Variants in EYS observed in about 807,000 individuals in gnomAD.
EYS encodes EGF-like photoreceptor maintenance factor.
EYS carries 250 observed loss-of-function variants against 282.1 expected under a neutral mutation model. That is an observed-to-expected ratio of 0.89 (90% CI 0.80 to 0.98). The LOEUF is 0.98. EYS is among the 50% of genes least tolerant of loss of function. The pLI, the probability that EYS is intolerant of heterozygous loss-of-function variation, is 0.00. For missense variants in EYS, 4,016 were observed against 3,709.0 expected (o/e 1.08, Z -2.15); for synonymous variants, 1,355 against 1,282.9 (o/e 1.06, Z -1.20).
intron 41 of EYS, among the ~76,000 whole-genome samples, chr6:63,746,924 T>G (rs1356433419): frequency 6.6e-6 from 1 of 152,224 alleles, no homozygotes; most frequent in Non-Finnish European, 1.5e-5. Flanking sequence ...TCTGTGTCTC[T>G]ATCTCCTTCA....
At chr6:63,758,845 C>T (rs2151317) in intron 41 of EYS, among the ~76,000 whole-genome samples, 117,886 of 151,914 alleles carry the variant, frequency 0.78, 46,826 homozygotes, top group African/African-American at 0.94. Flanking sequence ...TTGCCCCAAA[C>T]TGGCTGGATC....
intron 26 of EYS, among the ~76,000 whole-genome samples, chr6:64,460,095 A>G (rs1397903359): frequency 3.3e-5 from 5 of 152,124 alleles, no homozygotes; most frequent in Non-Finnish European, 5.9e-5. Flanking sequence ...TTTTCTTACA[A>G]TTTCAACAGA....
chr6:65,056,146 T>C (rs913246481), intron 13 of EYS, among the ~76,000 whole-genome samples: 10 of 152,082 alleles, frequency 6.6e-5, no homozygotes, highest in Non-Finnish European at 1.3e-4. Flanking sequence ...TTCCTTTATT[T>C]TGGTGCTCAA....
At chr6:64,329,124 G>A (rs568417496) in intron 29 of EYS, among the ~76,000 whole-genome samples, 1 of 152,248 alleles carries the variant, frequency 6.6e-6, no homozygotes, top group East Asian at 1.9e-4. Flanking sequence ...GGTCTCAATG[G>A]AGGTAGGAGG....
At chr6:65,668,597 A>G (rs928369021) in intron 1 of EYS, among the ~76,000 whole-genome samples, 3 of 151,898 alleles carry the variant, frequency 2.0e-5, no homozygotes, top group Non-Finnish European at 4.4e-5. Flanking sequence ...TCCCTACTTT[A>G]AACCACTGTT....
chr6:65,403,519 C>T (rs1386118612), intron 6 of EYS, among the ~76,000 whole-genome samples: 1 of 151,820 alleles, frequency 6.6e-6, no homozygotes, highest in Non-Finnish European at 1.5e-5. Context: ...TTTTTATTCT[C>T]ATTGAATCCA....
In EYS at chr6:65,703,398, T is replaced by C. The variant is rs779833347; in HGVS notation, c.-448+3737A>G. Among the ~76,000 whole-genome samples, 23 of 152,130 alleles carry C rather than the reference T, an allele frequency of 1.5e-4. 1 individual carries two copies. The highest frequency in any genetic ancestry group is 1.4e-3 in the Admixed American group (21 of 15,264). ...TCTTTTTTTATAAATTTAACTATGT[T>C]AGTTGCTAATTTCCAGACTTATATC... On this transcript the variant is annotated intron_variant, in intron 1 of 42. Coordinates refer to ENST00000503581, the MANE Select transcript of EYS (RefSeq NM_001142800.2).
At chr6:64,645,341 T>G (rs567149147) in intron 22 of EYS, among the ~76,000 whole-genome samples, 1 of 152,320 alleles carries the variant, frequency 6.6e-6, no homozygotes, top group Non-Finnish European at 1.5e-5. Flanking sequence ...GCAGAACGAT[T>G]TTAGACAAAT....
At chr6:65,505,643 C>T (rs1766627963) in intron 2 of EYS, among the ~76,000 whole-genome samples, 1 of 152,070 alleles carries the variant, frequency 6.6e-6, no homozygotes, top group East Asian at 1.9e-4. Context: ...CTTCAGACTT[C>T]TTTGACCAAT....
rs142217167 is a variant in EYS at position 64,588,264 on chromosome 6, T to C, written c.5644+1959A>G. Among the ~76,000 whole-genome samples the C allele has an allele frequency of 6.1e-3, 927 of 152,190 alleles. 12 individuals carry two copies. Among genetic ancestry groups the C allele is most frequent in the African/African-American group, 0.021 (876 of 41,552 alleles). On this transcript the variant is annotated intron_variant, in intron 26 of 42. Transcript: ENST00000503581. The stretch of plus-strand genomic sequence containing the variant: ...GAATTTTAGTGGAACAAGCCATTAT[T>C]ATGAATTTTGACAAAATACAAGCTG...
intron 31 of EYS, among the ~76,000 whole-genome samples, chr6:64,107,130 T>C (rs1475084371): frequency 6.6e-6 from 1 of 150,862 alleles, no homozygotes; most frequent in Non-Finnish European, 1.5e-5. Flanking sequence ...TTTTTAAAAT[T>C]CCTGACCTGA....
At chr6:64,404,819 G>C (rs1031995071) in intron 28 of EYS, among the ~76,000 whole-genome samples, 6 of 151,964 alleles carry the variant, frequency 3.9e-5, no homozygotes, top group African/African-American at 1.4e-4. Context: ...AGAGGGAACA[G>C]TATATACAAA....
intron 11 of EYS, among the ~76,000 whole-genome samples, chr6:65,306,319 G>T (rs966337320): frequency 5.3e-5 from 8 of 152,154 alleles, no homozygotes; most frequent in African/African-American, 1.9e-4. Flanking sequence ...TGCCCATTCA[G>T]TCTTGTTAAG....
intron 14 of EYS, among the ~76,000 whole-genome samples, chr6:64,979,821 C>T (rs112923909): frequency 0.016 from 2,371 of 151,602 alleles, 64 homozygotes; most frequent in African/African-American, 0.054. Flanking sequence ...AAAAGATATA[C>T]TATTGTATAG....
At chr6:64,660,663 A>G (rs533843323) in intron 22 of EYS, among the ~76,000 whole-genome samples, 1 of 152,334 alleles carries the variant, frequency 6.6e-6, no homozygotes, top group Non-Finnish European at 1.5e-5. Context: ...TAAAATACCT[A>G]GGAATCCAAT....
intron 12 of EYS, among the ~76,000 whole-genome samples, chr6:65,113,019 T>TA (rs1775258200): frequency 6.6e-6 from 1 of 152,084 alleles, no homozygotes; most frequent in African/African-American, 2.4e-5. Flanking sequence ...AGTATTAATA[T>TA]AAAATGCCAG....
intron 37 of EYS, among the ~76,000 whole-genome samples, chr6:63,790,900 G>T (rs541094155): frequency 6.6e-6 from 1 of 151,994 alleles, no homozygotes; most frequent in Non-Finnish European, 1.5e-5. Context: ...GTAGTGGGAG[G>T]GCATATTCAT....
intron 36 of EYS, among the ~76,000 whole-genome samples, chr6:63,827,863 A>AT (rs1771517576): frequency 6.7e-6 from 1 of 148,340 alleles, no homozygotes; most frequent in Non-Finnish European, 1.5e-5. Flanking sequence ...AAAAAAAAAA[A>AT]AAAAAAAAGA....
At position 64,121,766 on chromosome 6, in the gene EYS, A is replaced by G. The variant is rs1455708971; in HGVS notation, c.6425-39764T>C. ...CCTTCTTAAAGTACCAGTTTCTATT[A>G]GGTGTGACACCATTTTTCTTGCCTG... On this transcript the variant is annotated intron_variant, in intron 31 of 42. Coordinates refer to ENST00000503581, the MANE Select transcript of EYS (RefSeq NM_001142800.2). Among the ~76,000 whole-genome samples, 3 of 152,284 alleles carry G rather than the reference A, an allele frequency of 2.0e-5. No individual in the cohort carries two copies. In the East Asian group the frequency reaches 5.8e-4, roughly 29 times the overall value.
Sources: allele counts gnomAD v4.1 joint callset (sites outside exome capture counted in the v4.1 genomes callset), GRCh38; gene constraint gnomAD v4.1.1; transcripts MANE v1.5; gene names NCBI Gene and HGNC (gene_info 2026-07-23, HGNC 2026-07-21).